Variants in OR7C1 observed in about 807,000 individuals in gnomAD.
OR7C1 encodes olfactory receptor family 7 subfamily C member 1.
For missense variants in OR7C1, 324 were observed against 383.3 expected (o/e 0.85, Z 1.29); for synonymous variants, 152 against 160.7 (o/e 0.95, Z 0.41).
chr19:14,827,628 A>G (rs1244115844), intron 1 of OR7C1: 1 of 1,614,178 alleles, frequency 6.2e-7, no homozygotes, highest in Admixed American at 1.7e-5. Flanking sequence ...TCCACCCAGC[A>G]GCGCAACTGT....
intron 1 of OR7C1, among the ~76,000 whole-genome samples, chr19:14,828,816 G>A (rs2044802656): frequency 6.9e-6 from 1 of 145,626 alleles, no homozygotes; most frequent in Non-Finnish European, 1.5e-5. Flanking sequence ...TGAATTTGAG[G>A]AATATAAATT....
chr19:14,812,301 AAAAAC>A (rs1308053813), intron 1 of OR7C1, among the ~76,000 whole-genome samples: 2 of 152,206 alleles, frequency 1.3e-5, no homozygotes, highest in African/African-American at 4.8e-5. Context: ...TGTTTTAAGA[AAAAAC>A]AAAGAAGTGA....
intron 2 of OR7C1, among the ~76,000 whole-genome samples, chr19:14,804,686 A>T (rs1019029314): frequency 6.6e-6 from 1 of 151,842 alleles, no homozygotes; most frequent in African/African-American, 2.4e-5. Flanking sequence ...AGTCGCAGGG[A>T]CTGGGGAGCG....
chr19:14,831,725 G>A (rs149661959), intron 1 of OR7C1, among the ~76,000 whole-genome samples: 2,168 of 151,578 alleles, frequency 0.014, 25 homozygotes, highest in South Asian at 0.027. Flanking sequence ...TTACAGGCGT[G>A]AGCCACCGCG....
chr19:14,810,643 C>T lies in OR7C1; in HGVS notation c.-622-650G>A, dbSNP rs552422158. Among the ~76,000 whole-genome samples the T allele has an allele frequency of 6.6e-5, 10 of 151,686 alleles. No homozygotes were observed. In the South Asian group the frequency reaches 2.1e-3, roughly 31 times the overall value. On this transcript the variant is annotated intron_variant, in intron 1 of 4. Coordinates refer to ENST00000641666, the Ensembl canonical transcript of OR7C1. ...CTCATGATCCGCCCGCCTCAGCCTC[C>T]CAAAGTGCTGGGATTACAGGCGTGA...
At chr19:14,803,720 T>A (rs1048595118) in intron 2 of OR7C1, among the ~76,000 whole-genome samples, 1 of 151,718 alleles carries the variant, frequency 6.6e-6, no homozygotes, top group Non-Finnish European at 1.5e-5. Context: ...TAATAATTTT[T>A]TTTTTTTGAG....
At chr19:14,830,185 A>G (rs2044817299) in intron 1 of OR7C1, among the ~76,000 whole-genome samples, 1 of 152,174 alleles carries the variant, frequency 6.6e-6, no homozygotes, top group African/African-American at 2.4e-5. Context: ...TTAATATCAG[A>G]TTCTTTTTTC....
At chr19:14,800,224 T>C in intron 4 of OR7C1, 32 bp downstream of exon 4, 2 of 1,398,102 alleles carry the variant, frequency 1.4e-6, no homozygotes, top group Non-Finnish European at 1.9e-6. Flanking sequence ...ACATTTAATT[T>C]TAAGTGAAGG....
chr19:14,808,518 A>T (rs945002695), intron 2 of OR7C1, among the ~76,000 whole-genome samples: 1 of 151,906 alleles, frequency 6.6e-6, no homozygotes, highest in Admixed American at 6.6e-5. Flanking sequence ...TAACTTGGAA[A>T]CAGAAAATCA....
At chr19:14,813,485 G>A (rs1407149233) in intron 1 of OR7C1, among the ~76,000 whole-genome samples, 1 of 152,102 alleles carries the variant, frequency 6.6e-6, no homozygotes. Flanking sequence ...AACCCAGGAG[G>A]TGGAGCTTGC....
chr19:14,832,416 T>C (rs1002862402), intron 1 of OR7C1, among the ~76,000 whole-genome samples: 26 of 149,196 alleles, frequency 1.7e-4, no homozygotes, highest in African/African-American at 6.1e-4. Context: ...CTCTCTCTCT[T>C]TCTTTCTTTT....
Position 14,799,770 on chromosome 19 carries a change from A to AGCGGTCATAGGCCATC in OR7C1, c.351_366dup (p.Phe123AspfsTer4). ...TGCAGGGGGTGACAGACGGCCACGA[A>AGCGGTCATAGGCCATC]GCGGTCATAGGCCATCACGGTCAAG... is the stretch of plus-strand genomic sequence containing the variant. On this transcript the variant is annotated stop_gained and frameshift_variant, in exon 5 of 5. Transcript: ENST00000641666. LOFTEE classifies it low-confidence loss of function (END_TRUNC). 6.2e-7 allele frequency: 1 copy of AGCGGTCATAGGCCATC among 1,614,056 alleles called. No individual in the cohort carries two copies. The highest frequency in any genetic ancestry group is 1.7e-5 in the Admixed American group (1 of 60,002).
intron 1 of OR7C1, among the ~76,000 whole-genome samples, chr19:14,818,085 T>A (rs1211293980): frequency 6.7e-6 from 1 of 150,224 alleles, no homozygotes; most frequent in African/African-American, 2.4e-5. Context: ...TTTATTTATT[T>A]ATTTATTTAT....
exon 5 of OR7C1, chr19:14,799,345 G>A (rs1401677460): frequency 1.2e-6 from 2 of 1,614,182 alleles, no homozygotes; most frequent in South Asian, 2.2e-5. Context: ...AAGATGGTGT[G>A]GCTGCAGAAC....
intron 1 of OR7C1, among the ~76,000 whole-genome samples, chr19:14,815,784 C>CAT (rs376401137): frequency 1.4e-5 from 2 of 146,626 alleles, no homozygotes. Context: ...TGAGTTTGTG[C>CAT]GTGTGTGTGT....
chr19:14,818,598 A>G (rs1245623086), intron 1 of OR7C1, among the ~76,000 whole-genome samples: 1 of 152,168 alleles, frequency 6.6e-6, no homozygotes, highest in Non-Finnish European at 1.5e-5. Flanking sequence ...TTGCTTTTGT[A>G]TAGCGAGTTT....
chr19:14,807,997 T>C (rs1224950200), intron 2 of OR7C1, among the ~76,000 whole-genome samples: 4 of 151,712 alleles, frequency 2.6e-5, no homozygotes, highest in Non-Finnish European at 4.4e-5. Flanking sequence ...TTTATTTCTT[T>C]AATAATAAAC....
intron 1 of OR7C1, chr19:14,825,751 G>A (rs2044762915): frequency 6.6e-6 from 1 of 152,486 alleles, no homozygotes; most frequent in Non-Finnish European, 1.5e-5. Context: ...AAGCCCTACT[G>A]TTGACTCACA....
At chr19:14,816,280 A>G in intron 1 of OR7C1, among the ~76,000 whole-genome samples, 1 of 152,198 alleles carries the variant, frequency 6.6e-6, no homozygotes, top group East Asian at 1.9e-4. Flanking sequence ...ATTAAACTGA[A>G]GGATGCAAAG....
Sources: gnomAD v4.1 joint callset for allele counts (sites outside exome capture counted in the v4.1 genomes callset) on GRCh38, gnomAD v4.1.1 for gene constraint, MANE v1.5 for transcripts, NCBI Gene and HGNC (gene_info 2026-07-23, HGNC 2026-07-21) for gene names.